ARFGEF2: variants seen among roughly 807,000 people sequenced by gnomAD.
ARFGEF2 encodes ARF guanine nucleotide exchange factor 2.
ARFGEF2 carries 74 observed loss-of-function variants against 219.9 expected under a neutral mutation model. That is an observed-to-expected ratio of 0.34 (90% CI 0.28 to 0.41). The LOEUF is 0.41. Ranked by LOEUF, ARFGEF2 falls within the 10% of genes least tolerant of loss-of-function variation. ARFGEF2 has a pLI of 1.00. For missense variants in ARFGEF2, 1,743 were observed against 2,218.3 expected (o/e 0.79, Z 4.30); for synonymous variants, 733 against 799.2 (o/e 0.92, Z 1.40).
At chr20:48,978,377 G>A (rs1197811307) in intron 14 of ARFGEF2, among the ~76,000 whole-genome samples, 1 of 152,192 alleles carries the variant, frequency 6.6e-6, no homozygotes, top group Admixed American at 6.5e-5. Flanking sequence ...GGTTAGCGTT[G>A]TAGTATAGTT....
chr20:48,962,495 A>T (rs1258302664), intron 6 of ARFGEF2, among the ~76,000 whole-genome samples: 1 of 152,204 alleles, frequency 6.6e-6, no homozygotes, highest in African/African-American at 2.4e-5. Context: ...ACATAATAAT[A>T]TATAATATTA....
chr20:48,932,714 G>C (rs2090920859), intron 1 of ARFGEF2, among the ~76,000 whole-genome samples: 1 of 152,182 alleles, frequency 6.6e-6, no homozygotes, highest in Non-Finnish European at 1.5e-5. Flanking sequence ...GTTCTACTGG[G>C]AGCAATTGAG....
rs1192370390 is a variant in ARFGEF2, at chr20:48,976,127, C to G, written c.1886C>G (p.Thr629Ser). 1 of 1,613,944 alleles carries G rather than the reference C, an allele frequency of 6.2e-7. No individual in the cohort carries two copies. The highest frequency in any genetic ancestry group is 1.1e-5 in the South Asian group (1 of 91,066). Reference sequence around the variant, plus strand: ...ACAGTGTCCTCGGGGACCCAGACAACTGTTCAGGATGACCCTGAGCAATTT... The same window carrying G: ...ACAGTGTCCTCGGGGACCCAGACAAGTGTTCAGGATGACCCTGAGCAATTT... The part of the protein sequence containing the change: ...ESTVSSGTQT[T>S]VQDDPEQFEV... The change falls in exon 14 of 39, where the codon ACT (threonine) becomes AGT (serine). Residue 629 changes from threonine (T) to serine (S), a missense_variant. Physicochemically the swap from Thr to Ser is moderately conservative, Grantham distance 58. This residue lies in a region of ARFGEF2 where 666 missense variants were observed against 955.4 expected (regional missense o/e 0.70). Coordinates refer to ENST00000371917, the MANE Select transcript of ARFGEF2 (RefSeq NM_006420.3).
At chr20:48,970,315 A>T (rs887031785) in intron 9 of ARFGEF2, among the ~76,000 whole-genome samples, 3 of 149,516 alleles carry the variant, frequency 2.0e-5, no homozygotes, top group African/African-American at 7.4e-5. Context: ...AATAAATTTT[A>T]AAAAATAAAA....
At chr20:49,016,929 A>G (rs2123536403) in intron 31 of ARFGEF2, among the ~76,000 whole-genome samples, 1 of 152,338 alleles carries the variant, frequency 6.6e-6, no homozygotes, top group African/African-American at 2.4e-5. Context: ...TTGGAAATGT[A>G]ATGTATGAGT....
At position 49,035,801 on chromosome 20, in the gene ARFGEF2, A is replaced by G. The variant is rs707534; in HGVS notation, c.*2602A>G. 60,293 of 175,660 alleles carry G rather than the reference A, an allele frequency of 0.34. 11,657 individuals carry two copies. Among genetic ancestry groups the G allele is most frequent in the African/African-American group, 0.53 (22,373 of 42,438 alleles). 10.9% of individuals were successfully genotyped at this position (175,660 alleles called of 1,614,324 possible). On this transcript the variant is annotated 3_prime_UTR_variant, in exon 39 of 39. Transcript: ENST00000371917. ...TGTTTCTCTTCATTGTCTGTTAGGGAAATCACCAGCTTTGGCATCTTAACA... is the reference window on the plus strand; with the variant it reads ...TGTTTCTCTTCATTGTCTGTTAGGGGAATCACCAGCTTTGGCATCTTAACA...
chr20:48,973,234 A>G lies in ARFGEF2; in HGVS notation c.1615A>G (p.Lys539Glu), dbSNP rs771113041. 6.2e-7 allele frequency: 1 copy of G among 1,614,208 alleles called. No individual in the cohort carries two copies. Among genetic ancestry groups the G allele is most frequent in the Non-Finnish European group, 8.5e-7 (1 of 1,180,018 alleles). ...IFERLVNDLS[K>E]IAQGRSGHEL... ...TGAGCGCCTTGTAAATGATTTATCCAAAATTGCTCAGGGAAGAAGTGGACA... is the reference window on the plus strand; with the variant it reads ...TGAGCGCCTTGTAAATGATTTATCCGAAATTGCTCAGGGAAGAAGTGGACA... Residue 539 changes from lysine to glutamate, a missense_variant, in exon 12 of 39, where the codon AAA becomes GAA. Transcript: ENST00000371917.
rs79734058 is a variant in ARFGEF2 at position 48,976,357 on chromosome 20, G to A, written c.1958+158G>A. 4.2e-3 allele frequency among the ~76,000 whole-genome samples: 645 copies of A among 152,294 alleles called. 1 individual carries two copies. Among genetic ancestry groups the A allele is most frequent in the African/African-American group, 0.015 (622 of 41,558 alleles). ...TGAGCCAGGCAATCAGTAAATGAGC[G>A]TATGTGTGTGTGTCTGTGCACACAG... On this transcript the variant is annotated intron_variant, in intron 14 of 38. Transcript: ENST00000371917.
At chr20:49,014,507 G>A (rs530523799) in intron 30 of ARFGEF2, among the ~76,000 whole-genome samples, 8 of 152,082 alleles carry the variant, frequency 5.3e-5, no homozygotes, top group Non-Finnish European at 8.8e-5. Context: ...TTCTCTCACC[G>A]CAACATAAAA....
chr20:48,950,811 A>AAATATATATAT (rs1176537072), intron 3 of ARFGEF2, among the ~76,000 whole-genome samples: 3 of 64,504 alleles, frequency 4.7e-5, no homozygotes, highest in African/African-American at 1.5e-4. Flanking sequence ...AAAAAAAAAA[A>AAATATATATAT]ATATATATAT....
chr20:48,950,812 ATATATATATATATATAT>A (rs1435148023), intron 3 of ARFGEF2, among the ~76,000 whole-genome samples: 29 of 44,000 alleles, frequency 6.6e-4, no homozygotes, highest in African/African-American at 2.7e-3. Context: ...AAAAAAAAAA[ATATATATATATATATAT>A]ATATATATAT....
At chr20:49,026,495 T>TC (rs2091603751) in intron 36 of ARFGEF2, among the ~76,000 whole-genome samples, 2 of 152,066 alleles carry the variant, frequency 1.3e-5, no homozygotes, top group East Asian at 3.8e-4. Context: ...ACATTTTTTT[T>TC]CCAAGATGGT....
chr20:49,005,196 T>C lies in ARFGEF2; in HGVS notation c.3559T>C (p.Phe1187Leu). The C allele has an allele frequency of 6.2e-7, 1 of 1,614,216 alleles. No homozygotes were observed. The highest frequency in any genetic ancestry group is 8.5e-7 in the Non-Finnish European group (1 of 1,180,038). Residue 1187 changes from phenylalanine to leucine, a missense_variant, in exon 26 of 39, where the codon TTT becomes CTT. Coordinates refer to ENST00000371917, the MANE Select transcript of ARFGEF2 (RefSeq NM_006420.3). Reference sequence around the variant, plus strand: ...TTTCCAGAAAGATTTTCTGAGGCCCTTTGAGCATATTATGAAGAAAAACAG... The same window carrying C: ...TTTCCAGAAAGATTTTCTGAGGCCCCTTGAGCATATTATGAAGAAAAACAG... Reference protein sequence around the residue: ...FRFQKDFLRPFEHIMKKNRSP... With the variant: ...FRFQKDFLRPLEHIMKKNRSP...
chr20:49,026,585 T>C (rs2091604619), intron 36 of ARFGEF2, among the ~76,000 whole-genome samples: 1 of 127,504 alleles, frequency 7.8e-6, no homozygotes, highest in African/African-American at 3.1e-5. Context: ...TTACCATTAC[T>C]TTTTTTTTTT....
At chr20:48,984,979 AC>A in intron 15 of ARFGEF2, 139 bp downstream of exon 15, 2 of 1,482,134 alleles carry the variant, frequency 1.3e-6, no homozygotes, top group Non-Finnish European at 9.2e-7. Flanking sequence ...TCTATTGTCC[AC>A]CCCCGGGTTA....
chr20:48,940,571 A>T (rs745778186), intron 1 of ARFGEF2, among the ~76,000 whole-genome samples: 1 of 152,256 alleles, frequency 6.6e-6, no homozygotes, highest in Non-Finnish European at 1.5e-5. Context: ...TGCATTCTGC[A>T]GAACAAGAAA....
intron 27 of ARFGEF2, among the ~76,000 whole-genome samples, chr20:49,011,224 A>G (rs1228449895): frequency 6.6e-6 from 1 of 152,216 alleles, no homozygotes; most frequent in Non-Finnish European, 1.5e-5. Flanking sequence ...GAACACACAT[A>G]CAACAAGGTT....
At chr20:48,984,980 C>G (rs558241134) in intron 15 of ARFGEF2, 140 bp downstream of exon 15, 1 of 1,476,310 alleles carries the variant, frequency 6.8e-7, no homozygotes, top group Non-Finnish European at 9.2e-7. Context: ...CTATTGTCCA[C>G]CCCCGGGTTA....
rs2091661658 is a variant in ARFGEF2 at position 49,035,550 on chromosome 20, CTT to C, written c.*2352_*2353del. On this transcript the variant is annotated 3_prime_UTR_variant, in exon 39 of 39. Transcript: ENST00000371917. Reference sequence around the variant, plus strand: ...TAAATTCATTTTTATGAATAAATCTCTTCTTTCTCATGGTAAATGTGGCTTGT... The same window carrying C: ...TAAATTCATTTTTATGAATAAATCTCCTTTCTCATGGTAAATGTGGCTTGT... The C allele has an allele frequency of 6.6e-6, 1 of 152,222 alleles. No homozygotes were observed. 9.4% of individuals were successfully genotyped at this position (152,222 alleles called of 1,614,324 possible). A position where few individuals can be genotyped will look rare whatever the true frequency, so the allele number is the denominator to read the frequency against.
Sources: allele counts gnomAD v4.1 joint callset (sites outside exome capture counted in the v4.1 genomes callset), GRCh38; gene constraint gnomAD v4.1.1; regional missense constraint gnomAD v4.1.1; transcripts MANE v1.5; gene names NCBI Gene and HGNC (gene_info 2026-07-23, HGNC 2026-07-21).